The following CTNNA3 variants were observed in gnomAD, a reference collection of about 807,000 sequenced individuals.
CTNNA3 encodes catenin alpha-3.
A neutral mutation model predicts 95.7 loss-of-function variants in CTNNA3; 76 were observed. That is an observed-to-expected ratio of 0.79 (90% CI 0.66 to 0.96). The LOEUF is 0.96. Ranked by LOEUF, CTNNA3 falls within the 40% of genes least tolerant of loss-of-function variation. The pLI is 0.00. For synonymous variants in CTNNA3, 431 were observed against 374.4 expected (o/e 1.15, Z -1.74); for missense variants, 1,191 against 1,089.8 (o/e 1.09, Z -1.31).
At chr10:66,401,474 G>A (rs187593336) in intron 11 of CTNNA3, among the ~76,000 whole-genome samples, 170 of 151,040 alleles carry the variant, frequency 1.1e-3, no homozygotes, top group African/African-American at 4.1e-3. Context: ...CCAAGATCGT[G>A]CCACTGCACT....
chr10:67,048,793 G>C (rs1253305048), intron 7 of CTNNA3, among the ~76,000 whole-genome samples: 1 of 152,008 alleles, frequency 6.6e-6, no homozygotes, highest in Non-Finnish European at 1.5e-5. Flanking sequence ...TAATTTCCAA[G>C]TATTATATCT....
At chr10:65,932,849 C>T (rs968328587) in intron 17 of CTNNA3, among the ~76,000 whole-genome samples, 1 of 152,056 alleles carries the variant, frequency 6.6e-6, no homozygotes, top group Non-Finnish European at 1.5e-5. Context: ...CTGAATGGTG[C>T]TCCCCAGCTT....
At chr10:65,928,007 T>C (rs2077193365) in intron 17 of CTNNA3, among the ~76,000 whole-genome samples, 1 of 152,208 alleles carries the variant, frequency 6.6e-6, no homozygotes, top group Non-Finnish European at 1.5e-5. Context: ...TTGATGAGCA[T>C]AAAGAGAAAT....
chr10:65,935,137 A>G (rs1313507395), intron 17 of CTNNA3, among the ~76,000 whole-genome samples: 1 of 152,198 alleles, frequency 6.6e-6, no homozygotes, highest in Non-Finnish European at 1.5e-5. Flanking sequence ...GCTAAGCTCT[A>G]GAAAATTTTT....
intron 15 of CTNNA3, among the ~76,000 whole-genome samples, chr10:66,065,932 C>T (rs548707973): frequency 3.3e-5 from 5 of 152,138 alleles, no homozygotes; most frequent in East Asian, 3.9e-4. Context: ...GGTGCAATCT[C>T]GGCTCACCAC....
chr10:66,658,632 G>T (rs181784782), intron 9 of CTNNA3, among the ~76,000 whole-genome samples: 1 of 152,224 alleles, frequency 6.6e-6, no homozygotes, highest in Admixed American at 6.5e-5. Context: ...GCGGAAAAAA[G>T]AAGAGGTGTG....
At chr10:67,299,483 C>T (rs984095732) in intron 5 of CTNNA3, among the ~76,000 whole-genome samples, 8 of 152,266 alleles carry the variant, frequency 5.3e-5, no homozygotes, top group South Asian at 2.1e-4. Context: ...AAGCCAGAAT[C>T]GAATAACTCA....
At chr10:67,305,494 A>G (rs1258699398) in intron 5 of CTNNA3, among the ~76,000 whole-genome samples, 2 of 152,104 alleles carry the variant, frequency 1.3e-5, no homozygotes, top group East Asian at 1.9e-4. Context: ...CTTGTACCCT[A>G]TGCTAACTAT....
intron 15 of CTNNA3, among the ~76,000 whole-genome samples, chr10:66,033,580 A>G (rs2079494958): frequency 2.0e-5 from 3 of 151,952 alleles, no homozygotes; most frequent in Non-Finnish European, 4.4e-5. Flanking sequence ...ATTCAGTTTC[A>G]GTGTGCTTAT....
At chr10:67,090,315 G>A (rs538729679) in intron 7 of CTNNA3, among the ~76,000 whole-genome samples, 191 of 152,144 alleles carry the variant, frequency 1.3e-3, no homozygotes, top group Non-Finnish European at 2.1e-3. Context: ...CATAAACTAC[G>A]TTTCTTTCCT....
At chr10:66,148,370 A>G (rs78024262) in intron 13 of CTNNA3, among the ~76,000 whole-genome samples, 382 of 152,204 alleles carry the variant, frequency 2.5e-3, no homozygotes, top group Middle Eastern at 0.024. Flanking sequence ...TAATATATAT[A>G]TGCTATGGTT....
chr10:67,712,937 T>G (rs1841120307), intron 1 of CTNNA3, among the ~76,000 whole-genome samples: 1 of 151,974 alleles, frequency 6.6e-6, no homozygotes, highest in Non-Finnish European at 1.5e-5. Context: ...GATAAATTGA[T>G]CTAATTAAAC....
At chr10:67,476,531 C>T (rs1848019545) in intron 5 of CTNNA3, among the ~76,000 whole-genome samples, 1 of 150,896 alleles carries the variant, frequency 6.6e-6, no homozygotes, top group South Asian at 2.1e-4. Context: ...CAGCAAGGCC[C>T]TTTCCAATCC....
At chr10:67,372,018 A>T (rs779739117) in intron 5 of CTNNA3, among the ~76,000 whole-genome samples, 6,237 of 152,048 alleles carry the variant, frequency 0.041, 183 homozygotes, top group South Asian at 0.1. Context: ...TTGGCTGCAT[A>T]AATGTCTTCT....
At chr10:66,862,625 A>G (rs1308048471) in intron 7 of CTNNA3, among the ~76,000 whole-genome samples, 2 of 152,186 alleles carry the variant, frequency 1.3e-5, no homozygotes, top group Non-Finnish European at 2.9e-5. Context: ...GGAAAAAATG[A>G]GAAGCAAGAA....
intron 7 of CTNNA3, among the ~76,000 whole-genome samples, chr10:67,067,977 T>G (rs1856196516): frequency 6.6e-6 from 1 of 152,174 alleles, no homozygotes; most frequent in Non-Finnish European, 1.5e-5. Flanking sequence ...AAACCCACAT[T>G]TAAACCAAGT....
intron 13 of CTNNA3, among the ~76,000 whole-genome samples, chr10:66,257,581 G>A (rs1564818222): frequency 6.6e-6 from 1 of 152,194 alleles, no homozygotes; most frequent in African/African-American, 2.4e-5. Context: ...ATTTGAAGTT[G>A]GAATACTTCT....
chr10:66,979,269 T>C (rs1303078121), intron 7 of CTNNA3, among the ~76,000 whole-genome samples: 1 of 152,062 alleles, frequency 6.6e-6, no homozygotes, highest in Non-Finnish European at 1.5e-5. Flanking sequence ...TGCCTGGTCA[T>C]AACTATTTCT....
intron 7 of CTNNA3, among the ~76,000 whole-genome samples, chr10:67,035,028 T>C (rs1853959078): frequency 2.0e-5 from 3 of 152,188 alleles, no homozygotes; most frequent in African/African-American, 7.2e-5. Context: ...CTTATTGAGG[T>C]CACCAGTTAG....
Sources: gnomAD v4.1 joint callset for allele counts (sites outside exome capture counted in the v4.1 genomes callset) on GRCh38, gnomAD v4.1.1 for gene constraint, MANE v1.5 for transcripts, NCBI Gene and HGNC (gene_info 2026-07-23, HGNC 2026-07-21) for gene names.